SPPL3: variants seen among roughly 807,000 people sequenced by gnomAD.
SPPL3 encodes signal peptide peptidase like 3.
In SPPL3, 5 loss-of-function variants were observed where a neutral mutation model predicts 42.4. That is an observed-to-expected ratio of 0.12 (90% CI 0.06 to 0.25). SPPL3 has a LOEUF of 0.25. SPPL3 is among the 10% of genes least tolerant of loss of function. The probability of loss-of-function intolerance (pLI) is 1.00; values close to 1 mark genes in which losing one functional copy is unlikely to be tolerated. For synonymous variants in SPPL3, 195 were observed against 181.8 expected (o/e 1.07, Z -0.58); for missense variants, 235 against 489.0 (o/e 0.48, Z 4.90).
chr12:120,798,680 T>A (rs1870190191), intron 2 of SPPL3, among the ~76,000 whole-genome samples: 1 of 152,242 alleles, frequency 6.6e-6, no homozygotes, highest in Admixed American at 6.5e-5. Context: ...GTTTTTCAAA[T>A]TCACTTATGA....
At chr12:120,841,675 A>G (rs1051604426) in intron 1 of SPPL3, among the ~76,000 whole-genome samples, 16 of 152,208 alleles carry the variant, frequency 1.1e-4, no homozygotes, top group Non-Finnish European at 1.8e-4. Flanking sequence ...TAATTGGCCA[A>G]GTCCCAGTCT....
chr12:120,852,038 AGTTTG>A (rs1389786286), intron 1 of SPPL3, among the ~76,000 whole-genome samples: 3 of 152,182 alleles, frequency 2.0e-5, no homozygotes, highest in Non-Finnish European at 4.4e-5. Context: ...TTAAGCTATT[AGTTTG>A]TATGATATCT....
chr12:120,894,184 C>T lies in SPPL3; in HGVS notation c.23+9661G>A, dbSNP rs574595565. The stretch of plus-strand genomic sequence containing the variant: ...TACTAAAAATACAAAATTAGCTGGG[C>T]GTGGTGGCGCATGCCCGTTATCCCA... On this transcript the variant is annotated intron_variant, in intron 1 of 10. Transcript: ENST00000353487. Among the ~76,000 whole-genome samples, 5 of 152,082 alleles carry T rather than the reference C, an allele frequency of 3.3e-5. No homozygotes were observed. The South Asian group carries it at 6.2e-4, about 19-fold the overall frequency.
At chr12:120,867,220 T>C (rs1872781483) in intron 1 of SPPL3, among the ~76,000 whole-genome samples, 3 of 152,206 alleles carry the variant, frequency 2.0e-5, no homozygotes, top group Admixed American at 1.3e-4. Context: ...CCATGTGTAA[T>C]GTTGTCAGTG....
At position 120,894,493 on chromosome 12, in the gene SPPL3, A is replaced by T. The variant is rs372304147; in HGVS notation, c.23+9352T>A. On this transcript the variant is annotated intron_variant, in intron 1 of 10. Transcript: ENST00000353487. Reference sequence around the variant, plus strand: ...ACAACAAAACAAAGTCAGGCACTGTACGTAGGTCACAATGACTGTATAACT... The same window carrying T: ...ACAACAAAACAAAGTCAGGCACTGTTCGTAGGTCACAATGACTGTATAACT... Among the ~76,000 whole-genome samples, 15 of 152,244 alleles carry T rather than the reference A, an allele frequency of 9.9e-5. 1 individual carries two copies. Among genetic ancestry groups the T allele is most frequent in the Middle Eastern group, 3.2e-3 (1 of 316 alleles).
intron 1 of SPPL3, among the ~76,000 whole-genome samples, chr12:120,896,362 T>C (rs768563876): frequency 6.6e-6 from 1 of 152,190 alleles, no homozygotes; most frequent in Non-Finnish European, 1.5e-5. Flanking sequence ...AACTAGATTT[T>C]TCCCTGTAAA....
chr12:120,823,372 T>C (rs1003978171), intron 1 of SPPL3, among the ~76,000 whole-genome samples: 3 of 152,152 alleles, frequency 2.0e-5, no homozygotes, highest in Admixed American at 6.5e-5. Flanking sequence ...CAGCACTCCA[T>C]GGAATTTGCT....
intron 1 of SPPL3, among the ~76,000 whole-genome samples, chr12:120,873,996 A>C (rs776969378): frequency 6.6e-6 from 1 of 152,180 alleles, no homozygotes; most frequent in Non-Finnish European, 1.5e-5. Context: ...CCAGTGATAC[A>C]TAGTTTTCAA....
intron 2 of SPPL3, among the ~76,000 whole-genome samples, chr12:120,803,593 A>G (rs760634272): frequency 3.4e-4 from 52 of 152,220 alleles, no homozygotes; most frequent in Non-Finnish European, 6.6e-4. Flanking sequence ...AAGTTTTTTG[A>G]TAATTCTACT....
intron 2 of SPPL3, among the ~76,000 whole-genome samples, chr12:120,793,409 C>T (rs1387095117): frequency 2.0e-5 from 3 of 152,122 alleles, no homozygotes; most frequent in African/African-American, 7.2e-5. Flanking sequence ...GGTAGGAGAT[C>T]ACTTGAGCCC....
Position 120,815,202 on chromosome 12 carries a change from G to A in SPPL3, c.24-4316C>T, listed in dbSNP as rs140279745. 2.7e-4 allele frequency among the ~76,000 whole-genome samples: 41 copies of A among 152,276 alleles called. No homozygotes were observed. The East Asian group carries it at 6.4e-3, about 24-fold the overall frequency. The stretch of plus-strand genomic sequence containing the variant: ...TTGCAATTTGATAGATGTTGCCAAA[G>A]TGCCCTACAGAGAGGTTATACCATT... On this transcript the variant is annotated intron_variant, in intron 1 of 10. Transcript: ENST00000353487.
chr12:120,834,442 G>A (rs1275965206), intron 1 of SPPL3, among the ~76,000 whole-genome samples: 1 of 152,138 alleles, frequency 6.6e-6, no homozygotes, highest in Non-Finnish European at 1.5e-5. Flanking sequence ...AGTACCCTTT[G>A]AGAGACTGCC....
At chr12:120,820,306 A>ATTTTTT (rs11374486) in intron 1 of SPPL3, among the ~76,000 whole-genome samples, 116 of 100,980 alleles carry the variant, frequency 1.1e-3, no homozygotes, top group African/African-American at 2.5e-3. Context: ...CTTTCTCTAA[A>ATTTTTT]TTTTTTTTTT....
At chr12:120,818,204 A>C (rs143516560) in intron 1 of SPPL3, among the ~76,000 whole-genome samples, 1 of 152,348 alleles carries the variant, frequency 6.6e-6, no homozygotes, top group Non-Finnish European at 1.5e-5. Context: ...TCTTACTGAA[A>C]CACAGAAAGA....
chr12:120,860,673 C>T (rs538365941), intron 1 of SPPL3, among the ~76,000 whole-genome samples: 3 of 152,144 alleles, frequency 2.0e-5, no homozygotes, highest in South Asian at 4.2e-4. Context: ...TTTATACACA[C>T]GCACAAAAGT....
At chr12:120,798,654 T>C (rs1333601565) in intron 2 of SPPL3, among the ~76,000 whole-genome samples, 2 of 152,216 alleles carry the variant, frequency 1.3e-5, no homozygotes, top group Non-Finnish European at 2.9e-5. Context: ...GAAACACATA[T>C]ATTAATTTAA....
At chr12:120,883,356 A>G (rs1303239619) in intron 1 of SPPL3, among the ~76,000 whole-genome samples, 1 of 152,196 alleles carries the variant, frequency 6.6e-6, no homozygotes, top group Non-Finnish European at 1.5e-5. Context: ...ATGGATTAAA[A>G]ACTTCTATGT....
At chr12:120,808,128 C>A (rs1199155194) in intron 2 of SPPL3, among the ~76,000 whole-genome samples, 1 of 145,678 alleles carries the variant, frequency 6.9e-6, no homozygotes, top group Non-Finnish European at 1.5e-5. Context: ...GAACCAGGGT[C>A]TCACTCTGAT....
intron 1 of SPPL3, among the ~76,000 whole-genome samples, chr12:120,811,781 A>G (rs958634287): frequency 4.6e-5 from 7 of 152,240 alleles, no homozygotes; most frequent in African/African-American, 1.7e-4. Context: ...ACAGTAATAA[A>G]TAAGAGTGCC....
Sources: allele counts gnomAD v4.1 joint callset (sites outside exome capture counted in the v4.1 genomes callset), GRCh38; gene constraint gnomAD v4.1.1; transcripts MANE v1.5; gene names NCBI Gene and HGNC (gene_info 2026-07-23, HGNC 2026-07-21).